The following NEDD4L variants were observed in gnomAD, a reference collection of about 807,000 sequenced individuals.
The protein encoded by NEDD4L is NEDD4 like E3 ubiquitin protein ligase.
A neutral mutation model predicts 148.9 loss-of-function variants in NEDD4L; 54 were observed. The ratio of observed to expected loss-of-function variants is 0.36; its 90% CI spans 0.29 to 0.45. The LOEUF (loss-of-function observed/expected upper bound fraction) is 0.45, where lower values mean the gene tolerates loss of function less well. Ranked by LOEUF, NEDD4L falls within the 20% of genes least tolerant of loss-of-function variation. The pLI is 1.00. For synonymous variants in NEDD4L, 433 were observed against 440.7 expected (o/e 0.98, Z 0.22); for missense variants, 856 against 1,233.8 (o/e 0.69, Z 4.59).
intron 1 of NEDD4L, among the ~76,000 whole-genome samples, chr18:58,080,114 C>T (rs1485140572): frequency 2.0e-5 from 3 of 151,952 alleles, no homozygotes; most frequent in Admixed American, 2.0e-4. Flanking sequence ...TTGTAGAGAC[C>T]GGGTCTCACT....
intron 18 of NEDD4L, among the ~76,000 whole-genome samples, chr18:58,354,251 A>AT (rs2044296021): frequency 1.3e-5 from 2 of 152,178 alleles, no homozygotes; most frequent in Non-Finnish European, 2.9e-5. Flanking sequence ...CAGGTATCCT[A>AT]TCTACAACAT....
At chr18:58,355,045 G>A (rs1421283545) in intron 18 of NEDD4L, among the ~76,000 whole-genome samples, 2 of 152,226 alleles carry the variant, frequency 1.3e-5, no homozygotes, top group African/African-American at 2.4e-5. Context: ...CCGGTGTGGG[G>A]ACTCGGGCTC....
chr18:58,357,184 A>G lies in NEDD4L; in HGVS notation c.1709-10A>G. 1 of 1,580,494 alleles carries G rather than the reference A, an allele frequency of 6.3e-7. No homozygotes were observed. Among genetic ancestry groups the G allele is most frequent in the Non-Finnish European group, 8.6e-7 (1 of 1,165,310 alleles). ...TTCTGATTTTTTTTTTTTTTTTTTA[A>G]CATTTTCAGATAGCAAAATTACTCA... On this transcript the variant is annotated splice_polypyrimidine_tract_variant and intron_variant, in intron 18 of 30. Transcript: ENST00000400345.
At position 58,246,269 on chromosome 18, in the gene NEDD4L, GA is replaced by G. The variant is rs146267368; in HGVS notation, c.204+763del. 1.1e-4 allele frequency among the ~76,000 whole-genome samples: 17 copies of G among 152,160 alleles called. 1 individual carries two copies. In the East Asian group the frequency reaches 3.3e-3, roughly 29 times the overall value. ...ATTTAATGAAATGGAGCTGTTTGTG[GA>G]ATTGGTAGGCACACCAGGAATAGTT... On this transcript the variant is annotated intron_variant, in intron 3 of 30. Transcript: ENST00000400345.
At chr18:58,353,068 AGTT>A (rs150356875) in intron 18 of NEDD4L, among the ~76,000 whole-genome samples, 1,694 of 152,298 alleles carry the variant, frequency 0.011, 31 homozygotes, top group African/African-American at 0.039. Flanking sequence ...GCTCTTAGGA[AGTT>A]GTTGTGCTTG....
At chr18:58,355,239 A>C (rs556785509) in intron 18 of NEDD4L, among the ~76,000 whole-genome samples, 1 of 152,340 alleles carries the variant, frequency 6.6e-6, no homozygotes, top group East Asian at 1.9e-4. Flanking sequence ...GCCCTCTAGC[A>C]AGAAGCTTAT....
chr18:58,189,707 C>G (rs746290638), intron 2 of NEDD4L: 8 of 152,194 alleles, frequency 5.3e-5, no homozygotes, highest in Non-Finnish European at 1.2e-4. Context: ...TCTGTTGTAA[C>G]TAATGGTCAC....
intron 9 of NEDD4L, 49 bp from the exon 10 acceptor site, chr18:58,328,946 G>C (rs747406523): frequency 4.3e-6 from 7 of 1,611,146 alleles, no homozygotes; most frequent in African/African-American, 1.3e-5. Context: ...TGAAGGGCCC[G>C]ATCTCAACCA....
At chr18:58,112,491 TTTA>T (rs1461155937) in intron 1 of NEDD4L, among the ~76,000 whole-genome samples, 1 of 151,708 alleles carries the variant, frequency 6.6e-6, no homozygotes, top group Non-Finnish European at 1.5e-5. Flanking sequence ...TTTTTAAAAT[TTTA>T]TTATTATTTT....
chr18:58,107,755 C>T (rs931208299), intron 1 of NEDD4L, among the ~76,000 whole-genome samples: 6 of 151,892 alleles, frequency 4.0e-5, no homozygotes, highest in African/African-American at 1.5e-4. Flanking sequence ...CAGAGTCAGT[C>T]GTGGACAAAG....
At chr18:58,393,148 C>G (rs1458861051) in intron 30 of NEDD4L, among the ~76,000 whole-genome samples, 1 of 152,180 alleles carries the variant, frequency 6.6e-6, no homozygotes, top group Non-Finnish European at 1.5e-5. Flanking sequence ...TCATTCAGCC[C>G]ATGTTTCTCT....
At chr18:58,255,595 C>G (rs2048417548) in intron 5 of NEDD4L, 1 of 1,232,240 alleles carries the variant, frequency 8.1e-7, no homozygotes, top group African/African-American at 1.5e-5. Flanking sequence ...CAGTGTCGGG[C>G]CTGTTGTTGC....
chr18:58,343,141 T>A (rs949643226), intron 16 of NEDD4L, 38 bp downstream of exon 16: 2 of 1,522,644 alleles, frequency 1.3e-6, no homozygotes, highest in Non-Finnish European at 1.8e-6. Context: ...ATTTTCATCA[T>A]GAAGTCTGGC....
intron 1 of NEDD4L, among the ~76,000 whole-genome samples, chr18:58,153,560 G>A (rs1049571459): frequency 6.7e-6 from 1 of 149,102 alleles, no homozygotes; most frequent in Non-Finnish European, 1.5e-5. Flanking sequence ...GGCTGGTCTC[G>A]CAAACTCCTG....
chr18:58,064,367 G>T (rs78259218), intron 1 of NEDD4L, among the ~76,000 whole-genome samples: 2,278 of 152,262 alleles, frequency 0.015, 53 homozygotes, highest in African/African-American at 0.052. Context: ...ATGCAAATTT[G>T]TTACAAATCT....
chr18:58,296,978 T>C (rs1051389753), intron 5 of NEDD4L, among the ~76,000 whole-genome samples: 13 of 151,980 alleles, frequency 8.6e-5, no homozygotes, highest in African/African-American at 3.1e-4. Flanking sequence ...TCCCAGCTAC[T>C]TGGGAGGCTG....
In NEDD4L at chr18:58,044,848, C is replaced by A. The variant is rs1233798623; in HGVS notation, c.48+140C>A. 7 of 1,072,420 alleles carry A rather than the reference C, an allele frequency of 6.5e-6. No homozygotes were observed. The Admixed American group carries it at 2.3e-4, about 35-fold the overall frequency. The allele number at this position is 1,072,420 out of a possible 1,614,324, so 66.4% of individuals were successfully genotyped here. A position where few individuals can be genotyped will look rare whatever the true frequency, so the allele number is the denominator to read the frequency against. On this transcript the variant is annotated intron_variant, in intron 1 of 30. Coordinates refer to ENST00000400345, the MANE Select transcript of NEDD4L (RefSeq NM_001144967.3). ...GCCCCAAAGCGGGAGCGCCCCGGAG[C>A]GGGATCCAGGGGAGCTTGGGTCCTT... is the stretch of plus-strand genomic sequence containing the variant.
At chr18:58,179,847 TAATA>T (rs2146945385) in intron 2 of NEDD4L, among the ~76,000 whole-genome samples, 1 of 152,168 alleles carries the variant, frequency 6.6e-6, no homozygotes, top group African/African-American at 2.4e-5. Flanking sequence ...TACAATGTAA[TAATA>T]ATAGAAATAA....
At chr18:58,062,362 T>C (rs2144712784) in intron 1 of NEDD4L, among the ~76,000 whole-genome samples, 1 of 152,232 alleles carries the variant, frequency 6.6e-6, no homozygotes, top group East Asian at 1.9e-4. Flanking sequence ...CACCTTCCAG[T>C]CTGCTAGAAA....
Sources: gnomAD v4.1 joint callset for allele counts (sites outside exome capture counted in the v4.1 genomes callset) on GRCh38, gnomAD v4.1.1 for gene constraint, MANE v1.5 for transcripts, NCBI Gene and HGNC (gene_info 2026-07-23, HGNC 2026-07-21) for gene names.